The following G3BP1 variants were observed in gnomAD, a reference collection of about 807,000 sequenced individuals.
The protein encoded by G3BP1 is ras GTPase-activating protein-binding protein 1.
G3BP1 carries 35 observed loss-of-function variants against 58.6 expected under a neutral mutation model. The ratio of observed to expected loss-of-function variants is 0.60; its 90% CI spans 0.46 to 0.79. The LOEUF is 0.79. Ranked by LOEUF, G3BP1 falls within the 30% of genes least tolerant of loss-of-function variation. G3BP1 has a pLI of 0.00. For synonymous variants in G3BP1, 191 were observed against 195.4 expected (o/e 0.98, Z 0.19); for missense variants, 523 against 580.8 (o/e 0.90, Z 1.02).
intron 1 of G3BP1, among the ~76,000 whole-genome samples, chr5:151,782,695 T>A (rs1415154506): frequency 6.6e-6 from 1 of 151,996 alleles, no homozygotes; most frequent in Non-Finnish European, 1.5e-5. Context: ...TATATTTTCT[T>A]TTTTTTCCCC....
At chr5:151,792,637 T>A (rs1385740276) in intron 4 of G3BP1, among the ~76,000 whole-genome samples, 2 of 152,228 alleles carry the variant, frequency 1.3e-5, no homozygotes, top group Non-Finnish European at 2.9e-5. Flanking sequence ...AGAGTCTCCC[T>A]GTGTTACCCA....
rs1375851313 is a variant in G3BP1 at position 151,809,638 on chromosome 5, C to T, written c.*5547C>T. 1 of 152,148 alleles carries T rather than the reference C, an allele frequency of 6.6e-6. No individual in the cohort carries two copies. Among genetic ancestry groups the T allele is most frequent in the Non-Finnish European group, 1.5e-5 (1 of 68,030 alleles). 9.4% of individuals were successfully genotyped at this position (152,148 alleles called of 1,614,324 possible). On this transcript the variant is annotated 3_prime_UTR_variant, in exon 12 of 12. Transcript: ENST00000356245. ...GGAAAGGACTAGGAAGTGACTTGTA[C>T]AACCCCTTCATTTTACAAAGGATCA...
In G3BP1 at chr5:151,797,351, A is replaced by G. The variant is rs780347568; in HGVS notation, c.664A>G (p.Thr222Ala). Residue 222 changes from threonine to alanine, a missense_variant, in exon 7 of 12, where the codon ACT becomes GCT. Around this residue, in one of 2 missense-constraint regions of G3BP1, gnomAD observed 398 missense variants for 399.1 expected, o/e 1.00. Transcript: ENST00000356245. Reference sequence around the variant, plus strand: ...AAAGCCTGAGCCAGTATTAGAAGAAACTGCCCCTGAGGATGCTCAGAAGAG... The same window carrying G: ...AAAGCCTGAGCCAGTATTAGAAGAAGCTGCCCCTGAGGATGCTCAGAAGAG... ...EEKPEPVLEE[T>A]APEDAQKSSS... The G allele has an allele frequency of 5.6e-6, 9 of 1,614,122 alleles. No homozygotes were observed. Among genetic ancestry groups the G allele is most frequent in the Non-Finnish European group, 5.1e-6 (6 of 1,179,988 alleles).
At position 151,804,152 on chromosome 5, in the gene G3BP1, G is replaced by T; in HGVS notation, c.*61G>T. The T allele has an allele frequency of 8.1e-7, 1 of 1,238,012 alleles. No individual in the cohort carries two copies. Among genetic ancestry groups the T allele is most frequent in the South Asian group, 1.4e-5 (1 of 71,214 alleles). The allele number at this position is 1,238,012 out of a possible 1,614,324, so 76.7% of individuals were successfully genotyped here. Reference sequence around the variant, plus strand: ...GGTTCCAACAGAATGGTGAATTTTCGACAGCCTTTGGTATCTTGGAGTATG... The same window carrying T: ...GGTTCCAACAGAATGGTGAATTTTCTACAGCCTTTGGTATCTTGGAGTATG... On this transcript the variant is annotated 3_prime_UTR_variant, in exon 12 of 12. Coordinates refer to ENST00000356245, the MANE Select transcript of G3BP1 (RefSeq NM_005754.3).
chr5:151,798,767 C>T (rs1762797302), intron 7 of G3BP1, among the ~76,000 whole-genome samples: 1 of 152,114 alleles, frequency 6.6e-6, no homozygotes. Context: ...GAGTTCAAGA[C>T]CAGCCTGGTC....
chr5:151,791,551 T>TTA (rs1762652409), intron 4 of G3BP1: 1 of 159,388 alleles, frequency 6.3e-6, no homozygotes, highest in African/African-American at 2.4e-5. Context: ...GTAGGATGCT[T>TTA]TATGGGTGTC....
rs1201144665 is a variant in G3BP1, at chr5:151,811,568, T to C, written c.*7477T>C. ...GTGTATATGGATGGTTCAATAAATATACTTTTATATACATGTTTCACAGAA... is the reference window on the plus strand; with the variant it reads ...GTGTATATGGATGGTTCAATAAATACACTTTTATATACATGTTTCACAGAA... On this transcript the variant is annotated 3_prime_UTR_variant, in exon 12 of 12. Transcript: ENST00000356245. 6.6e-6 allele frequency: 1 copy of C among 152,168 alleles called. No individual in the cohort carries two copies. The highest frequency in any genetic ancestry group is 2.4e-5 in the African/African-American group (1 of 41,444). 9.4% of individuals were successfully genotyped at this position (152,168 alleles called of 1,614,324 possible).
In G3BP1 at chr5:151,808,577, G is replaced by A. The variant is rs1435575714; in HGVS notation, c.*4486G>A. On this transcript the variant is annotated 3_prime_UTR_variant, in exon 12 of 12. Transcript: ENST00000356245. ...TCCCTGTAAGAGGAAAATAATATAG[G>A]GAATCTGTTCAACTATTCCTTTAAT... 1 of 152,086 alleles carries A rather than the reference G, an allele frequency of 6.6e-6. No homozygotes were observed. Among genetic ancestry groups the A allele is most frequent in the African/African-American group, 2.4e-5 (1 of 41,384 alleles). The allele number at this position is 152,086 out of a possible 1,614,324, so 9.4% of individuals were successfully genotyped here. A position where few individuals can be genotyped will look rare whatever the true frequency, so the allele number is the denominator to read the frequency against.
chr5:151,795,476 TAG>T lies in G3BP1; in HGVS notation c.443_444del. 1 of 1,482,764 alleles carries T rather than the reference TAG, an allele frequency of 6.7e-7. No homozygotes were observed. The highest frequency in any genetic ancestry group is 9.4e-7 in the Non-Finnish European group (1 of 1,063,952). The allele number at this position is 1,482,764 out of a possible 1,614,324, so 91.9% of individuals were successfully genotyped here. Reference sequence around the variant, plus strand: ...TTACTTTAAATATCTTTTTCTCACTTAGAGTCTGAAGAAGAAGTAGAGGAACC... The same window carrying T: ...TTACTTTAAATATCTTTTTCTCACTTAGTCTGAAGAAGAAGTAGAGGAACC... On this transcript the variant is annotated splice_acceptor_variant, in intron 5 of 11. Coordinates refer to ENST00000356245, the MANE Select transcript of G3BP1 (RefSeq NM_005754.3). LOFTEE classifies it high-confidence loss of function.
chr5:151,786,417 G>A (rs1032449893), intron 1 of G3BP1, among the ~76,000 whole-genome samples, 155 bp from the exon 2 acceptor site: 9 of 152,272 alleles, frequency 5.9e-5, no homozygotes, highest in Admixed American at 2.0e-4. Context: ...TCATATGATT[G>A]CAATACATTT....
chr5:151,798,353 A>G (rs115523517), intron 7 of G3BP1, among the ~76,000 whole-genome samples: 1 of 152,142 alleles, frequency 6.6e-6, no homozygotes, highest in Non-Finnish European at 1.5e-5. Flanking sequence ...TGTCACAAGA[A>G]CAAAACCATA....
In G3BP1 at chr5:151,805,455, T is replaced by G. The variant is rs1461564085; in HGVS notation, c.*1364T>G. 1 of 152,458 alleles carries G rather than the reference T, an allele frequency of 6.6e-6. No homozygotes were observed. Among genetic ancestry groups the G allele is most frequent in the Non-Finnish European group, 1.5e-5 (1 of 68,038 alleles). 9.4% of individuals were successfully genotyped at this position (152,458 alleles called of 1,614,324 possible). A position where few individuals can be genotyped will look rare whatever the true frequency, so the allele number is the denominator to read the frequency against. On this transcript the variant is annotated 3_prime_UTR_variant, in exon 12 of 12. Transcript: ENST00000356245. ...TTGTTTACACGTGTGAAACAAACTT[T>G]TGTGTGATTGTCATTACTAATTGAA...
rs1581587983 is a variant in G3BP1, at chr5:151,810,831, G to A, written c.*6740G>A. On this transcript the variant is annotated 3_prime_UTR_variant, in exon 12 of 12. Transcript: ENST00000356245. ...AGTGGAGAAAATTGTTGGGAAATTT[G>A]GGGGGATGGATATATAAGGGGGAGG... 1 of 151,568 alleles carries A rather than the reference G, an allele frequency of 6.6e-6. No individual in the cohort carries two copies. The highest frequency in any genetic ancestry group is 6.6e-5 in the Admixed American group (1 of 15,170). The allele number at this position is 151,568 out of a possible 1,614,324, so 9.4% of individuals were successfully genotyped here.
At chr5:151,780,068 A>G (rs1762440130) in intron 1 of G3BP1, among the ~76,000 whole-genome samples, 1 of 152,222 alleles carries the variant, frequency 6.6e-6, no homozygotes, top group Non-Finnish European at 1.5e-5. Flanking sequence ...CATCTTCAGC[A>G]GTCCTGTAGG....
Position 151,790,337 on chromosome 5 carries a change from A to C in G3BP1, c.110A>C (p.Asn37Thr). Residue 37 changes from asparagine to threonine, a missense_variant, in exon 3 of 12, where the codon AAC becomes ACC. Physicochemically the swap from Asn to Thr is moderately conservative, Grantham distance 65 (BLOSUM62 0). Transcript: ENST00000356245. ...CCATTTTACAGATTTTATGGAAAGA[A>C]CTCTTCTTATGTCCATGGGGGATTG... ...PDMLHRFYGK[N>T]SSYVHGGLDS... The C allele has an allele frequency of 2.6e-6, 4 of 1,555,786 alleles. No individual in the cohort carries two copies. The highest frequency in any genetic ancestry group is 3.5e-6 in the Non-Finnish European group (4 of 1,143,512).
At chr5:151,778,180 T>C (rs541798488) in intron 1 of G3BP1, among the ~76,000 whole-genome samples, 1 of 152,316 alleles carries the variant, frequency 6.6e-6, no homozygotes, top group South Asian at 2.1e-4. Flanking sequence ...CTCCCTGTTT[T>C]CCACAGTGGT....
At chr5:151,788,258 A>G (rs1762584929) in intron 2 of G3BP1, among the ~76,000 whole-genome samples, 1 of 151,914 alleles carries the variant, frequency 6.6e-6, no homozygotes, top group African/African-American at 2.4e-5. Flanking sequence ...CCTCCTGATC[A>G]TTACAAAAAT....
At chr5:151,786,761 G>T (rs114421242) in intron 2 of G3BP1, 46 bp downstream of exon 2, 1 of 1,093,472 alleles carries the variant, frequency 9.1e-7, no homozygotes, top group Non-Finnish European at 1.4e-6. Context: ...CTTTTAGTAT[G>T]TGGTACTTAT....
chr5:151,773,074 G>A (rs1034299347), intron 1 of G3BP1, among the ~76,000 whole-genome samples: 2 of 152,274 alleles, frequency 1.3e-5, no homozygotes, highest in African/African-American at 4.8e-5. Flanking sequence ...CATGGACTGT[G>A]TTCCTCATCG....
Sources: allele counts gnomAD v4.1 joint callset (sites outside exome capture counted in the v4.1 genomes callset), GRCh38; gene constraint gnomAD v4.1.1; regional missense constraint gnomAD v4.1.1; transcripts MANE v1.5; gene names NCBI Gene and HGNC (gene_info 2026-07-23, HGNC 2026-07-21).